TMPO: variants seen among roughly 807,000 people sequenced by gnomAD.
TMPO encodes the protein LEM domain containing 4.
TMPO carries 22 observed loss-of-function variants against 45.4 expected under a neutral mutation model. The observed-to-expected ratio is 0.48, with a 90% CI of 0.35 to 0.69. The LOEUF (loss-of-function observed/expected upper bound fraction) is 0.69, where lower values mean the gene tolerates loss of function less well. Ranked by LOEUF, TMPO falls within the 30% of genes least tolerant of loss-of-function variation. TMPO has a pLI of 0.01. For missense variants in TMPO, 512 were observed against 548.8 expected (o/e 0.93, Z 0.67); for synonymous variants, 241 against 204.1 (o/e 1.18, Z -1.54).
At chr12:98,533,443 A>G in intron 3 of TMPO, 1 of 1,614,172 alleles carries the variant, frequency 6.2e-7, no homozygotes, top group African/African-American at 1.3e-5. Flanking sequence ...TTTGCCTGGA[A>G]CTTCTAACTC....
rs79128220 is a variant in TMPO, at chr12:98,545,129, G to GTTTTTT, written c.990+81_990+86dup. The stretch of plus-strand genomic sequence containing the variant: ...AAAGAGGAAATATAAATATTTGTTT[G>GTTTTTT]TTTTTTTTTTTTTTTTTTGGAGTGG... On this transcript the variant is annotated intron_variant, in intron 7 of 8. Transcript: ENST00000556029. 996 of 649,496 alleles carry GTTTTTT rather than the reference G, an allele frequency of 1.5e-3. 1 individual carries two copies. The highest frequency in any genetic ancestry group is 2.1e-3 in the Middle Eastern group (5 of 2,380). 40.2% of individuals were successfully genotyped at this position (649,496 alleles called of 1,614,324 possible).
At chr12:98,534,025 G>T (rs2121209456) in intron 3 of TMPO, 1 of 1,608,280 alleles carries the variant, frequency 6.2e-7, no homozygotes, top group Non-Finnish European at 8.5e-7. Flanking sequence ...TGCCTTTGTA[G>T]CTAAGGCTAT....
At chr12:98,534,234 A>G in intron 3 of TMPO, 1 of 1,613,886 alleles carries the variant, frequency 6.2e-7, no homozygotes, top group Non-Finnish European at 8.5e-7. Context: ...AGGATTGCAA[A>G]ATTAATTTAG....
intron 3 of TMPO, among the ~76,000 whole-genome samples, chr12:98,536,606 C>T (rs1272601299): frequency 6.6e-6 from 1 of 152,162 alleles, no homozygotes; most frequent in African/African-American, 2.4e-5. Context: ...CCACCTCGGC[C>T]TTCCAAAGTG....
chr12:98,519,389 G>A (rs1467718360), intron 1 of TMPO, among the ~76,000 whole-genome samples: 1 of 152,086 alleles, frequency 6.6e-6, no homozygotes, highest in Non-Finnish European at 1.5e-5. Flanking sequence ...AGTAGAGAAG[G>A]GGTTTCGCCA....
intron 4 of TMPO, among the ~76,000 whole-genome samples, chr12:98,543,510 T>C (rs1878048101): frequency 6.6e-6 from 1 of 152,204 alleles, no homozygotes; most frequent in African/African-American, 2.4e-5. Flanking sequence ...TCTTTAAAAA[T>C]GATCAGTGGA....
At chr12:98,534,835 T>C (rs1210933846) in intron 3 of TMPO, 2 of 1,003,032 alleles carry the variant, frequency 2.0e-6, no homozygotes, top group South Asian at 8.5e-5. Flanking sequence ...TTACTTTTCT[T>C]TGTTATTTAT....
chr12:98,533,081 A>G, intron 3 of TMPO: 1 of 1,613,918 alleles, frequency 6.2e-7, no homozygotes, highest in Non-Finnish European at 8.5e-7. Flanking sequence ...TCTGAAAGGA[A>G]TTTGTTTATT....
chr12:98,543,778 A>AT (rs1878062165), intron 4 of TMPO, among the ~76,000 whole-genome samples: 1 of 152,244 alleles, frequency 6.6e-6, no homozygotes. Context: ...TTATAACCAT[A>AT]TGAAAATAAT....
At chr12:98,539,241 A>G (rs1359815235) in intron 4 of TMPO, among the ~76,000 whole-genome samples, 1 of 150,060 alleles carries the variant, frequency 6.7e-6, no homozygotes, top group Non-Finnish European at 1.5e-5. Flanking sequence ...AAGATGGTCT[A>G]AGGGATAATT....
chr12:98,533,545 C>T, intron 3 of TMPO: 1 of 1,614,080 alleles, frequency 6.2e-7, no homozygotes, highest in South Asian at 1.1e-5. Context: ...AAGAAAAGTC[C>T]CTAGACTGAG....
rs1334011428 is a variant in TMPO at position 98,531,743 on chromosome 12, G to C, written c.470G>C (p.Arg157Thr). The C allele has an allele frequency of 1.9e-6, 3 of 1,613,572 alleles. No homozygotes were observed. Among genetic ancestry groups the C allele is most frequent in the Admixed American group, 1.7e-5 (1 of 59,984 alleles). The change falls in exon 3 of 9, where the codon AGA becomes ACA. Residue 157 changes from arginine (R) to threonine (T), a missense_variant. Coordinates refer to ENST00000556029, the MANE Select transcript of TMPO (RefSeq NM_001032283.3). ...LKLREQGTES[R>T]SSTPLPTISS... ...CTGAGGGAACAAGGAACAGAATCAA[G>C]ATCTTCTACTCCTCTGCCAACAATT... is the stretch of plus-strand genomic sequence containing the variant.
At chr12:98,527,526 A>T (rs917739186) in intron 1 of TMPO, 4 of 43,252 alleles carry the variant, frequency 9.2e-5, no homozygotes, top group East Asian at 4.5e-4. Flanking sequence ...CTGTATCATT[A>T]AAAAAAAAAA....
In TMPO at chr12:98,515,764, C is replaced by G. The variant is rs533423254; in HGVS notation, c.-104C>G. ...CGCAGCGCTCTTCCCGGGCAGGAGC[C>G]GTGAGGCTCGGAGGCGGCAGCGCGG... On this transcript the variant is annotated 5_prime_UTR_variant, in exon 1 of 9. Coordinates refer to ENST00000556029, the MANE Select transcript of TMPO (RefSeq NM_001032283.3). 1.1e-4 allele frequency: 163 copies of G among 1,545,496 alleles called. 3 individuals carry two copies. The South Asian group carries it at 1.9e-3, about 18-fold the overall frequency.
At chr12:98,545,952 C>T (rs530833906) in intron 7 of TMPO, among the ~76,000 whole-genome samples, 43 of 152,212 alleles carry the variant, frequency 2.8e-4, no homozygotes, top group Non-Finnish European at 5.3e-4. Context: ...AGGCTGGTCT[C>T]GAACTCCTGA....
rs563713905 is a variant in TMPO at position 98,518,983 on chromosome 12, G to T, written c.279+2837G>T. Among the ~76,000 whole-genome samples the T allele has an allele frequency of 3.3e-5, 5 of 152,014 alleles. No homozygotes were observed. In the South Asian group the frequency reaches 1.0e-3, roughly 32 times the overall value. ...TGCAAGCTCTGCCTCGTGGGTTCAT[G>T]CCATTTTCCTGCCTCCGCCTCCCGA... On this transcript the variant is annotated intron_variant, in intron 1 of 8. Transcript: ENST00000556029.
At chr12:98,522,500 A>G (rs1405287893) in intron 1 of TMPO, among the ~76,000 whole-genome samples, 3 of 152,220 alleles carry the variant, frequency 2.0e-5, no homozygotes, top group East Asian at 3.8e-4. Context: ...TTCATATGAC[A>G]CTGAACAGTG....
intron 4 of TMPO, among the ~76,000 whole-genome samples, chr12:98,538,534 G>A (rs1877710242): frequency 6.6e-6 from 1 of 152,048 alleles, no homozygotes; most frequent in Non-Finnish European, 1.5e-5. Context: ...TGTATTTTTA[G>A]TAGAGACGGG....
chr12:98,543,132 C>T (rs1878022382), intron 4 of TMPO, among the ~76,000 whole-genome samples: 1 of 152,052 alleles, frequency 6.6e-6, no homozygotes, highest in African/African-American at 2.4e-5. Context: ...TATTGGATGA[C>T]CACTCCTGTC....
Sources: gnomAD v4.1 joint callset for allele counts (sites outside exome capture counted in the v4.1 genomes callset) on GRCh38, gnomAD v4.1.1 for gene constraint, MANE v1.5 for transcripts, NCBI Gene and HGNC (gene_info 2026-07-23, HGNC 2026-07-21) for gene names.